Variants in ITGBL1 observed in about 807,000 individuals in gnomAD.
ITGBL1 encodes integrin subunit beta like 1, also known as integrin beta-like protein 1.
Under a neutral mutation model 68.5 loss-of-function variants are expected in ITGBL1, and 51 were observed. The observed-to-expected ratio is 0.74, with a 90% CI of 0.59 to 0.94. ITGBL1 has a LOEUF of 0.94. Ranked by LOEUF, ITGBL1 falls within the 40% of genes least tolerant of loss-of-function variation. The pLI, the probability that ITGBL1 is intolerant of heterozygous loss-of-function variation, is 0.00. For synonymous variants in ITGBL1, 209 were observed against 227.3 expected (o/e 0.92, Z 0.72); for missense variants, 649 against 647.4 (o/e 1.00, Z -0.03).
intron 2 of ITGBL1, among the ~76,000 whole-genome samples, chr13:101,563,008 A>G (rs550015995): frequency 3.5e-4 from 53 of 151,792 alleles, no homozygotes; most frequent in African/African-American, 1.1e-3. Context: ...ACACACTTCT[A>G]CATAACCCAT....
intron 2 of ITGBL1, among the ~76,000 whole-genome samples, chr13:101,455,046 T>C (rs2048223332): frequency 6.6e-6 from 1 of 152,206 alleles, no homozygotes; most frequent in African/African-American, 2.4e-5. Flanking sequence ...CCTCAATTAG[T>C]GCCTTGTGAG....
intron 2 of ITGBL1, among the ~76,000 whole-genome samples, chr13:101,462,656 C>T (rs952273922): frequency 4.6e-5 from 7 of 152,042 alleles, no homozygotes; most frequent in South Asian, 2.1e-4. Context: ...AATCTCAGCT[C>T]GCTGCAACCT....
At chr13:101,608,157 T>C (rs2030958283) in intron 7 of ITGBL1, among the ~76,000 whole-genome samples, 1 of 152,022 alleles carries the variant, frequency 6.6e-6, no homozygotes, top group African/African-American at 2.4e-5. Context: ...ATGTCCTCAT[T>C]TTTATCAATT....
At chr13:101,489,249 A>C (rs77450086) in intron 2 of ITGBL1, among the ~76,000 whole-genome samples, 2,225 of 152,358 alleles carry the variant, frequency 0.015, 21 homozygotes, top group Non-Finnish European at 0.022. Flanking sequence ...TAGCCCTGGC[A>C]TTCCAGTCTC....
chr13:101,689,211 T>TAAAAAAAAAAAAAAAAAGAAAAA (rs2033825382), intron 7 of ITGBL1, among the ~76,000 whole-genome samples: 1 of 74,868 alleles, frequency 1.3e-5, no homozygotes, highest in Non-Finnish European at 2.6e-5. Context: ...AGACTCTGCC[T>TAAAAAAAAAAAAAAAAAGAAAAA]AAAAAAAAAA....
At position 101,556,580 on chromosome 13, in the gene ITGBL1, C is replaced by T. The variant is rs532510318; in HGVS notation, c.317-11119C>T. Among the ~76,000 whole-genome samples, 4 of 151,942 alleles carry T rather than the reference C, an allele frequency of 2.6e-5. No homozygotes were observed. The South Asian group carries it at 6.3e-4, about 24-fold the overall frequency. On this transcript the variant is annotated intron_variant, in intron 2 of 10. Coordinates refer to ENST00000376180, the MANE Select transcript of ITGBL1 (RefSeq NM_004791.3). ...TCCAGAGGCGGAGGTTGTGGTGAGC[C>T]GAGATTGTGCCATTGCACTCCAGCC...
intron 2 of ITGBL1, among the ~76,000 whole-genome samples, chr13:101,481,185 T>TGAGA (rs5806223): frequency 2.7e-5 from 4 of 147,676 alleles, no homozygotes; most frequent in South Asian, 2.1e-4. Flanking sequence ...TATATACATA[T>TGAGA]GAGAGAGAGA....
At chr13:101,599,654 T>C (rs997080805) in intron 7 of ITGBL1, among the ~76,000 whole-genome samples, 10 of 152,088 alleles carry the variant, frequency 6.6e-5, no homozygotes, top group East Asian at 3.9e-4. Context: ...TTTCTACATA[T>C]GGCTAGCCAG....
At chr13:101,558,492 A>G (rs1224022826) in intron 2 of ITGBL1, among the ~76,000 whole-genome samples, 3 of 152,188 alleles carry the variant, frequency 2.0e-5, no homozygotes, top group Admixed American at 2.0e-4. Context: ...TGACAAATAG[A>G]GTCTTAGAAC....
At chr13:101,545,130 T>C (rs1283414180) in intron 2 of ITGBL1, among the ~76,000 whole-genome samples, 2 of 152,184 alleles carry the variant, frequency 1.3e-5, no homozygotes, top group Non-Finnish European at 2.9e-5. Flanking sequence ...AAATCGCCCA[T>C]CTTCTGCGTC....
chr13:101,596,992 G>A (rs2030010633), intron 6 of ITGBL1, among the ~76,000 whole-genome samples: 2 of 152,092 alleles, frequency 1.3e-5, no homozygotes, highest in African/African-American at 4.8e-5. Flanking sequence ...TATGAGTAGT[G>A]AATTCATGTC....
At chr13:101,524,422 A>G (rs189140409) in intron 2 of ITGBL1, among the ~76,000 whole-genome samples, 249 of 151,928 alleles carry the variant, frequency 1.6e-3, no homozygotes, top group Non-Finnish European at 1.7e-3. Flanking sequence ...CTGAATACAA[A>G]ACTTAAAAAA....
At chr13:101,633,486 T>C (rs1485908678) in intron 7 of ITGBL1, among the ~76,000 whole-genome samples, 1 of 152,178 alleles carries the variant, frequency 6.6e-6, no homozygotes, top group Non-Finnish European at 1.5e-5. Context: ...TCCATGCATG[T>C]TGCCCTGTGA....
intron 7 of ITGBL1, among the ~76,000 whole-genome samples, chr13:101,634,244 T>A (rs2032089975): frequency 6.6e-6 from 1 of 152,170 alleles, no homozygotes; most frequent in African/African-American, 2.4e-5. Flanking sequence ...TTAGCTTTCT[T>A]GGAGTAAATG....
At chr13:101,588,990 C>T (rs926351840) in intron 6 of ITGBL1, among the ~76,000 whole-genome samples, 7 of 152,304 alleles carry the variant, frequency 4.6e-5, no homozygotes, top group Admixed American at 6.5e-5. Flanking sequence ...GATTTTTAAA[C>T]TCTACCAGTT....
In ITGBL1 at chr13:101,640,591, A is replaced by T. The variant is rs566078374; in HGVS notation, c.1015+42292A>T. The stretch of plus-strand genomic sequence containing the variant: ...TTCTTATTTAGCTTTGTGGTCTTTA[A>T]ATTTTTTTAATTTGCATTTATTTTA... On this transcript the variant is annotated intron_variant, in intron 7 of 10. Coordinates refer to ENST00000376180, the MANE Select transcript of ITGBL1 (RefSeq NM_004791.3). 4.0e-3 allele frequency among the ~76,000 whole-genome samples: 605 copies of T among 152,238 alleles called. 8 individuals are homozygous for T. Among genetic ancestry groups the T allele is most frequent in the Non-Finnish European group, 6.0e-3 (411 of 68,006 alleles).
At chr13:101,455,266 A>G (rs554922397) in intron 2 of ITGBL1, among the ~76,000 whole-genome samples, 10 of 152,352 alleles carry the variant, frequency 6.6e-5, no homozygotes, top group Admixed American at 6.5e-4. Context: ...GTTACTTAAT[A>G]TGCAGGCTGC....
chr13:101,699,632 T>C (rs138712407), intron 8 of ITGBL1, among the ~76,000 whole-genome samples: 1 of 152,244 alleles, frequency 6.6e-6, no homozygotes, highest in Non-Finnish European at 1.5e-5. Flanking sequence ...GTAAGTTTCC[T>C]GAGGCCTCCC....
intron 7 of ITGBL1, among the ~76,000 whole-genome samples, chr13:101,646,751 A>G (rs1203128684): frequency 6.6e-6 from 1 of 152,142 alleles, no homozygotes. Flanking sequence ...GTTAAATAGA[A>G]TGCTGAACCA....
Sources: gnomAD v4.1 joint callset for allele counts (sites outside exome capture counted in the v4.1 genomes callset) on GRCh38, gnomAD v4.1.1 for gene constraint, MANE v1.5 for transcripts, NCBI Gene and HGNC (gene_info 2026-07-23, HGNC 2026-07-21) for gene names.